DMD: variants seen among roughly 807,000 people sequenced by gnomAD.
DMD encodes dystrophin.
DMD carries 63 observed loss-of-function variants against 330.1 expected under a neutral mutation model. That is an observed-to-expected ratio of 0.19 (90% CI 0.16 to 0.24). The LOEUF is 0.24. Among genes scored for constraint, DMD ranks in the 10% least tolerant of loss-of-function variants. The pLI is 1.00. For synonymous variants in DMD, 1,223 were observed against 959.8 expected (o/e 1.27, Z -5.07); for missense variants, 3,344 against 2,684.1 (o/e 1.25, Z -5.43).
At chrX:32,401,856 T>C (rs1351962184) in intron 30 of DMD, among the ~76,000 whole-genome samples, 1 of 112,361 alleles carries the variant, frequency 8.9e-6, no homozygotes, top group Non-Finnish European at 1.9e-5. Context: ...CCTACAAACA[T>C]TGAAAATAGA....
intron 2 of DMD, among the ~76,000 whole-genome samples, chrX:32,873,149 T>G (rs2083127008): frequency 9.0e-6 from 1 of 111,326 alleles, no homozygotes; most frequent in South Asian, 3.8e-4. Context: ...CTGTAGGTCC[T>G]CAGGACACAT....
chrX:33,274,637 T>C (rs1187655454), intron 1 of DMD, among the ~76,000 whole-genome samples: 1 of 111,982 alleles, frequency 8.9e-6, no homozygotes, highest in Non-Finnish European at 1.9e-5. Flanking sequence ...AAGAAATCAC[T>C]TCTCAATAGT....
chrX:33,105,739 G>T (rs1037955870), intron 1 of DMD, among the ~76,000 whole-genome samples: 2 of 111,895 alleles, frequency 1.8e-5, no homozygotes, highest in African/African-American at 6.5e-5. Context: ...CCTTATCTTA[G>T]CCAGAATGGC....
At chrX:32,520,632 C>T (rs757979757) in intron 17 of DMD, among the ~76,000 whole-genome samples, 18 of 111,400 alleles carry the variant, frequency 1.6e-4, no homozygotes, top group Non-Finnish European at 3.4e-4. Flanking sequence ...TGATTGAGCC[C>T]CAGTTCCTTC....
intron 12 of DMD, among the ~76,000 whole-genome samples, chrX:32,608,884 C>T (rs1023739783): frequency 9.0e-6 from 1 of 110,630 alleles, no homozygotes; most frequent in African/African-American, 3.3e-5. Context: ...TAAAATGAAA[C>T]TTCATAGCAG....
intron 62 of DMD, among the ~76,000 whole-genome samples, chrX:31,280,139 T>C (rs751917680): frequency 1.8e-5 from 2 of 112,152 alleles, no homozygotes; most frequent in Non-Finnish European, 3.8e-5. Flanking sequence ...TGTCCTCCAG[T>C]TGCTTGTTAA....
At chrX:32,999,767 C>A (rs1397939514) in intron 2 of DMD, among the ~76,000 whole-genome samples, 10 of 95,820 alleles carry the variant, frequency 1.0e-4, no homozygotes, top group African/African-American at 3.2e-4. Flanking sequence ...CAGAGCGAGA[C>A]TCCATCTCAA....
intron 55 of DMD, among the ~76,000 whole-genome samples, chrX:31,583,586 A>C (rs189133540): frequency 1.8e-5 from 2 of 110,764 alleles, no homozygotes; most frequent in East Asian, 5.7e-4. Context: ...TGGGTAAAGA[A>C]GGTGAGCTAG....
intron 1 of DMD, among the ~76,000 whole-genome samples, chrX:33,088,547 T>A (rs1321671715): frequency 1.8e-5 from 2 of 110,849 alleles, no homozygotes; most frequent in Non-Finnish European, 3.8e-5. Context: ...AGCTATGGAT[T>A]CTTTAATTAA....
rs72466530 is a variant in DMD, at chrX:31,120,950, TA to T, written c.*968del. 1.6e-4 allele frequency: 18 copies of T among 111,038 alleles called. No individual in the cohort carries two copies. Among genetic ancestry groups the T allele is most frequent in the Non-Finnish European group, 3.4e-4 (18 of 52,986 alleles). 9.2% of individuals were successfully genotyped at this position (111,038 alleles called of 1,213,427 possible). On this transcript the variant is annotated 3_prime_UTR_variant, in exon 79 of 79. Transcript: ENST00000357033. Reference sequence around the variant, plus strand: ...TGTGTATTCATTCACATGTTCCCTTTAAAAAAATCCAATACTTTACTTTACT... The same window carrying T: ...TGTGTATTCATTCACATGTTCCCTTTAAAAAATCCAATACTTTACTTTACT...
At chrX:31,139,871 AAAAT>A (rs1354639716) in intron 76 of DMD, among the ~76,000 whole-genome samples, 1 of 112,030 alleles carries the variant, frequency 8.9e-6, no homozygotes, top group Non-Finnish European at 1.9e-5. Context: ...TAAAAAGAGA[AAAAT>A]AATGTTTTTT....
intron 1 of DMD, among the ~76,000 whole-genome samples, chrX:33,226,410 C>T (rs1160371309): frequency 1.8e-5 from 2 of 111,855 alleles, no homozygotes; most frequent in African/African-American, 6.5e-5. Context: ...TGTTGATGCA[C>T]ATTACAAATC....
chrX:31,586,156 T>C (rs759528528), intron 55 of DMD, among the ~76,000 whole-genome samples: 1 of 112,023 alleles, frequency 8.9e-6, no homozygotes, highest in East Asian at 2.8e-4. Context: ...TTATAACCTA[T>C]AACTGTTTCT....
chrX:31,554,515 T>C (rs1324136503), intron 55 of DMD, among the ~76,000 whole-genome samples: 3 of 112,106 alleles, frequency 2.7e-5, no homozygotes, highest in African/African-American at 9.7e-5. Flanking sequence ...GCGTTGATCA[T>C]ATTTTACATT....
intron 55 of DMD, among the ~76,000 whole-genome samples, chrX:31,538,234 T>C (rs2073560358): frequency 1.8e-5 from 2 of 112,273 alleles, no homozygotes; most frequent in Admixed American, 1.9e-4. Context: ...GTGCCTGCAT[T>C]TTCACTGTGA....
At chrX:32,237,938 G>A (rs972207111) in intron 43 of DMD, among the ~76,000 whole-genome samples, 5 of 111,675 alleles carry the variant, frequency 4.5e-5, no homozygotes, top group South Asian at 3.7e-4. Flanking sequence ...ATAACAAGGC[G>A]AATCATGCCT....
intron 7 of DMD, among the ~76,000 whole-genome samples, chrX:32,725,985 C>A (rs2066839218): frequency 1.8e-5 from 2 of 110,628 alleles, no homozygotes; most frequent in Admixed American, 1.9e-4. Flanking sequence ...TATGTACCCA[C>A]AAAAATTTAA....
chrX:33,012,491 T>A (rs16990825), intron 2 of DMD, among the ~76,000 whole-genome samples: 7 of 111,783 alleles, frequency 6.3e-5, no homozygotes, highest in African/African-American at 2.3e-4. Flanking sequence ...ATAACTCTAC[T>A]GCAAACTAAG....
rs183315442 is a variant in DMD at position 31,541,621 on chromosome X, G to C, written c.8218-34168C>G. Among the ~76,000 whole-genome samples, 27 of 109,608 alleles carry C rather than the reference G, an allele frequency of 2.5e-4. No homozygotes were observed. The Admixed American group carries it at 2.7e-3, about 11-fold the overall frequency. ...TTCTGTCCTTGTGATAGTTTGCTCAGAATGATGGTTTCCAGCTTCATCCAC... is the reference window on the plus strand; with the variant it reads ...TTCTGTCCTTGTGATAGTTTGCTCACAATGATGGTTTCCAGCTTCATCCAC... On this transcript the variant is annotated intron_variant, in intron 55 of 78. Transcript: ENST00000357033.
Sources: allele counts gnomAD v4.1 joint callset (sites outside exome capture counted in the v4.1 genomes callset), GRCh38; gene constraint gnomAD v4.1.1; transcripts MANE v1.5; gene names NCBI Gene and HGNC (gene_info 2026-07-23, HGNC 2026-07-21).